LYPD1: variants seen among roughly 807,000 people sequenced by gnomAD.
The protein encoded by LYPD1 is LY6/PLAUR domain containing 1, also known as ly6/PLAUR domain-containing protein 1.
In LYPD1, 14 loss-of-function variants were observed where a neutral mutation model predicts 14.2. The observed-to-expected ratio is 0.99, with a 90% CI of 0.65 to 1.54. The LOEUF (loss-of-function observed/expected upper bound fraction) is 1.54. LYPD1 is among the 40% of genes most tolerant of loss of function. LYPD1 has a pLI of 0.00. For missense variants in LYPD1, 165 were observed against 175.7 expected (o/e 0.94, Z 0.34); for synonymous variants, 85 against 70.6 (o/e 1.20, Z -1.02).
chr2:132,651,804 T>G (rs1023378592), intron 2 of LYPD1, among the ~76,000 whole-genome samples: 1 of 152,160 alleles, frequency 6.6e-6, no homozygotes, highest in African/African-American at 2.4e-5. Context: ...TGTGCACACA[T>G]GTAAGTGCGT....
At chr2:132,660,131 A>G (rs998884357) in intron 2 of LYPD1, among the ~76,000 whole-genome samples, 1 of 152,246 alleles carries the variant, frequency 6.6e-6, no homozygotes, top group African/African-American at 2.4e-5. Flanking sequence ...GAAGTCCAAG[A>G]AATAGAAAAA....
At chr2:132,658,087 C>A (rs1217374675) in intron 2 of LYPD1, among the ~76,000 whole-genome samples, 1 of 152,154 alleles carries the variant, frequency 6.6e-6, no homozygotes, top group Non-Finnish European at 1.5e-5. Flanking sequence ...GACACAAGCT[C>A]TTTGGTGCCA....
intron 2 of LYPD1, among the ~76,000 whole-genome samples, chr2:132,653,709 A>G (rs1682438765): frequency 6.6e-6 from 1 of 152,246 alleles, no homozygotes; most frequent in South Asian, 2.1e-4. Context: ...GGAAAAACCC[A>G]GCAGATACTA....
intron 2 of LYPD1, among the ~76,000 whole-genome samples, chr2:132,658,278 T>C (rs1426820514): frequency 6.6e-6 from 1 of 152,224 alleles, no homozygotes; most frequent in African/African-American, 2.4e-5. Context: ...TCTTGTTACA[T>C]AAACAAGAAA....
intron 1 of LYPD1, 132 bp from the exon 2 acceptor site, chr2:132,668,669 G>T: frequency 7.6e-7 from 1 of 1,319,644 alleles, no homozygotes; most frequent in Non-Finnish European, 1.0e-6. Context: ...GGGTCTCCGG[G>T]TAGGGCTGGA....
intron 2 of LYPD1, among the ~76,000 whole-genome samples, chr2:132,658,313 T>A (rs1339998308): frequency 6.6e-6 from 1 of 152,236 alleles, no homozygotes; most frequent in African/African-American, 2.4e-5. Context: ...ATGTCCCTGC[T>A]ACTTGCAGCC....
chr2:132,655,127 A>G (rs1222403689), intron 2 of LYPD1, among the ~76,000 whole-genome samples: 1 of 152,164 alleles, frequency 6.6e-6, no homozygotes, highest in East Asian at 1.9e-4. Context: ...CACGCTGCTT[A>G]TCCCTTTCCT....
intron 2 of LYPD1, among the ~76,000 whole-genome samples, chr2:132,656,350 A>C (rs1682596599): frequency 6.6e-6 from 1 of 152,208 alleles, no homozygotes; most frequent in South Asian, 2.1e-4. Flanking sequence ...TGGAAAAATA[A>C]CTAACACACA....
chr2:132,659,181 C>G (rs964009381), intron 2 of LYPD1, among the ~76,000 whole-genome samples: 1 of 152,168 alleles, frequency 6.6e-6, no homozygotes, highest in Non-Finnish European at 1.5e-5. Flanking sequence ...TCTTCTTATG[C>G]TAAACATTTA....
In LYPD1 at chr2:132,646,106, C is replaced by T; in HGVS notation, c.365G>A (p.Arg122Lys). 6.2e-7 allele frequency: 1 copy of T among 1,608,122 alleles called. No individual in the cohort carries two copies. The highest frequency in any genetic ancestry group is 8.5e-7 in the Non-Finnish European group (1 of 1,176,768). The change falls in exon 3 of 3, where the codon AGG becomes AAG. Residue 122 changes from arginine to lysine, a missense_variant. Physicochemically the swap from Arg to Lys is conservative, Grantham distance 26 (BLOSUM62 2). Coordinates refer to ENST00000397463, the MANE Select transcript of LYPD1 (RefSeq NM_144586.7). The part of the protein sequence containing the change: ...KKRGSSASAL[R>K]PGLRTTILFL... ...CAGGATGGTGGTGCGGAGCCCTGGC[C>T]TGAGGGCCGAGGCAGAACTTCCCCT... is the stretch of plus-strand genomic sequence containing the variant.
chr2:132,650,724 A>AC (rs921137576), intron 2 of LYPD1, among the ~76,000 whole-genome samples: 3 of 103,206 alleles, frequency 2.9e-5, no homozygotes, highest in African/African-American at 8.4e-5. Context: ...TTAAAAAAAA[A>AC]AAACAAAAAA....
Position 132,652,680 on chromosome 2 carries a change from A to G in LYPD1, c.191-6400T>C, listed in dbSNP as rs111793170. Among the ~76,000 whole-genome samples, 155 of 152,316 alleles carry G rather than the reference A, an allele frequency of 1.0e-3. 1 individual carries two copies. Among genetic ancestry groups the G allele is most frequent in the African/African-American group, 3.7e-3 (153 of 41,568 alleles). On this transcript the variant is annotated intron_variant, in intron 2 of 2. Transcript: ENST00000397463. ...TTCTCACGGCTCTAATCCGCAGACC[A>G]GGAGTGTGCCCATGGAACACACCAC...
rs1573750908 is a variant in LYPD1, at chr2:132,662,963, A to G, written c.190+5437T>C. ...ATAAACAAATACTTCACTCACTGGG[A>G]GAGTCCAAGGGAAAGACATTTGATA... On this transcript the variant is annotated intron_variant, in intron 2 of 2. Coordinates refer to ENST00000397463, the MANE Select transcript of LYPD1 (RefSeq NM_144586.7). 4 of 152,354 alleles carry G rather than the reference A, an allele frequency of 2.6e-5. 1 individual carries two copies. The South Asian group carries it at 8.3e-4, about 32-fold the overall frequency. 9.4% of individuals were successfully genotyped at this position (152,354 alleles called of 1,614,324 possible).
chr2:132,670,181 C>T lies in LYPD1; in HGVS notation c.-249G>A. ...GCTCCCGGGCCGAGCACCGCGCCTC[C>T]GGAGTTGGCGGCTGAGACTGAAGGA... On this transcript the variant is annotated 5_prime_UTR_variant, in exon 1 of 3. Transcript: ENST00000397463. The surrounding 1 kb of genome is among the most constrained non-coding windows in gnomAD (Gnocchi z 4.5). 1 of 1,285,234 alleles carries T rather than the reference C, an allele frequency of 7.8e-7. No individual in the cohort carries two copies. 79.6% of individuals were successfully genotyped at this position (1,285,234 alleles called of 1,614,324 possible).
In LYPD1 at chr2:132,646,127, C is replaced by T. The variant is rs773814861; in HGVS notation, c.344G>A (p.Gly115Glu). The T allele has an allele frequency of 2.5e-6, 4 of 1,609,916 alleles. No individual in the cohort carries two copies. The highest frequency in any genetic ancestry group is 1.1e-5 in the South Asian group (1 of 90,312). Residue 115 changes from glycine to glutamate, a missense_variant, in exon 3 of 3, where the codon GGA (glycine) becomes GAA (glutamate). Gly to Glu is a moderately conservative substitution (Grantham distance 98, BLOSUM62 -2). Transcript: ENST00000397463. ...TGGCCTGAGGGCCGAGGCAGAACTTCCCCTTTTCTTGGGCCTTGGCCCGTT... is the reference window on the plus strand; with the variant it reads ...TGGCCTGAGGGCCGAGGCAGAACTTTCCCTTTTCTTGGGCCTTGGCCCGTT... ...LCNGPRPKKR[G>E]SSASALRPGL...
At chr2:132,670,514 G>A (rs1683640561), upstream of LYPD1, among the ~76,000 whole-genome samples, 1 of 152,122 alleles carries the variant, frequency 6.6e-6, no homozygotes, top group African/African-American at 2.4e-5. This position sits in a 1 kb window ranked among gnomAD's most constrained non-coding sequence, Gnocchi z 4.5. Flanking sequence ...TGAGGACTGC[G>A]TGCCCGGCTG....
In LYPD1 at chr2:132,668,285, C is replaced by G. The variant is rs1157883135; in HGVS notation, c.190+115G>C. The G allele has an allele frequency of 2.3e-6, 3 of 1,297,030 alleles. No individual in the cohort carries two copies. In the East Asian group the frequency reaches 7.8e-5, roughly 34 times the overall value. 80.3% of individuals were successfully genotyped at this position (1,297,030 alleles called of 1,614,324 possible). On this transcript the variant is annotated intron_variant, in intron 2 of 2. Transcript: ENST00000397463. ...CACTGTAAAACTAAATCTGCGATAACCAGTGTGTGGGCATTAAATCAAAGT... is the reference window on the plus strand; with the variant it reads ...CACTGTAAAACTAAATCTGCGATAAGCAGTGTGTGGGCATTAAATCAAAGT...
chr2:132,647,123 C>CTCCCAGGCACTATT (rs1266833275), intron 2 of LYPD1, among the ~76,000 whole-genome samples: 22 of 152,186 alleles, frequency 1.4e-4, no homozygotes, highest in African/African-American at 5.3e-4. Context: ...CCCTGTCTGT[C>CTCCCAGGCACTATT]TCCCAGGCAC....
chr2:132,662,131 A>T (rs1398654405), intron 2 of LYPD1, among the ~76,000 whole-genome samples: 1 of 152,236 alleles, frequency 6.6e-6, no homozygotes, highest in African/African-American at 2.4e-5. Flanking sequence ...GGACTCCCTC[A>T]TTCTGAGAAA....
Sources: gnomAD v4.1 joint callset for allele counts (sites outside exome capture counted in the v4.1 genomes callset) on GRCh38, gnomAD v4.1.1 for gene constraint, Gnocchi (gnomAD v3.1) non-coding constraint, MANE v1.5 for transcripts, NCBI Gene and HGNC (gene_info 2026-07-23, HGNC 2026-07-21) for gene names.